The following CDKL5 variants were observed in gnomAD, a reference collection of about 807,000 sequenced individuals.
CDKL5 encodes the protein cyclin dependent kinase like 5.
A neutral mutation model predicts 61.7 loss-of-function variants in CDKL5; 8 were observed. That is an observed-to-expected ratio of 0.13 (90% CI 0.08 to 0.23). The LOEUF is 0.23. Among genes scored for constraint, CDKL5 ranks in the 10% least tolerant of loss-of-function variants. The pLI is 1.00. For missense variants in CDKL5, 440 were observed against 734.5 expected (o/e 0.60, Z 4.63); for synonymous variants, 275 against 272.3 (o/e 1.01, Z -0.10).
chrX:18,625,218 C>A lies in CDKL5; in HGVS notation c.2467C>A (p.Pro823Thr). 1 of 1,208,617 alleles carries A rather than the reference C, an allele frequency of 8.3e-7. No individual in the cohort carries two copies. Among genetic ancestry groups the A allele is most frequent in the Non-Finnish European group, 1.1e-6 (1 of 894,367 alleles). The stretch of plus-strand genomic sequence containing the variant: ...AAGCAGCAGACCAAAGGAGTGGCGC[C>A]CCGAGAAGATCTCAGATCTGCAGAC... ...TPSSRPKEWR[P>T]EKISDLQTQS... Residue 823 changes from proline (P) to threonine (T), a missense_variant, in exon 17 of 18, where the codon CCC (proline) becomes ACC (threonine). Pro to Thr is a conservative substitution (Grantham distance 38, BLOSUM62 -1). Around this residue, in one of 2 missense-constraint regions of CDKL5, gnomAD observed 363 missense variants for 516.3 expected, o/e 0.70. Coordinates refer to ENST00000623535, the MANE Select transcript of CDKL5 (RefSeq NM_001323289.2).
intron 1 of CDKL5, among the ~76,000 whole-genome samples, chrX:18,439,607 G>A (rs1931692155): frequency 9.0e-6 from 1 of 111,055 alleles, no homozygotes; most frequent in African/African-American, 3.3e-5. Flanking sequence ...GGAGGCCAAG[G>A]CAGGCAGATC....
intron 1 of CDKL5, among the ~76,000 whole-genome samples, chrX:18,454,950 T>C (rs780794707): frequency 1.0e-5 from 1 of 100,265 alleles, no homozygotes; most frequent in Non-Finnish European, 2.0e-5. Flanking sequence ...TGGAGGGCAG[T>C]GGCATGATCT....
chrX:18,608,931 T>A lies in CDKL5; in HGVS notation c.2046+19T>A. 1 of 1,022,778 alleles carries A rather than the reference T, an allele frequency of 9.8e-7. No individual in the cohort carries two copies. Among genetic ancestry groups the A allele is most frequent in the Non-Finnish European group, 1.4e-6 (1 of 723,270 alleles). The allele number at this position is 1,022,778 out of a possible 1,213,427, so 84.3% of individuals were successfully genotyped here. On this transcript the variant is annotated intron_variant, in intron 13 of 17. Transcript: ENST00000623535. The stretch of plus-strand genomic sequence containing the variant: ...GTCTGAGGTATGTCACAATAAAATA[T>A]GCCTGTAAACATTTGTTCAACATCA...
intron 5 of CDKL5, among the ~76,000 whole-genome samples, chrX:18,579,466 G>T (rs1371470092): frequency 9.0e-6 from 1 of 110,625 alleles, no homozygotes; most frequent in Non-Finnish European, 1.9e-5. Context: ...TTTATCACAA[G>T]ATTCTGTTGC....
intron 3 of CDKL5, among the ~76,000 whole-genome samples, chrX:18,559,018 T>G (rs1212088299): frequency 8.9e-6 from 1 of 112,250 alleles, no homozygotes; most frequent in East Asian, 2.8e-4. Flanking sequence ...CTCTTCTGGC[T>G]TACTCAGAGA....
At chrX:18,489,937 C>T (rs944684415) in intron 1 of CDKL5, among the ~76,000 whole-genome samples, 3 of 111,108 alleles carry the variant, frequency 2.7e-5, no homozygotes, top group Non-Finnish European at 5.7e-5. Flanking sequence ...TGTAGCCTGA[C>T]CACCTTGGGC....
At chrX:18,594,857 T>C (rs775599632) in intron 9 of CDKL5, among the ~76,000 whole-genome samples, 87 of 112,339 alleles carry the variant, frequency 7.7e-4, no homozygotes, top group Non-Finnish European at 1.4e-3. Flanking sequence ...GTTTTCCTAT[T>C]ATTTGACACC....
chrX:18,591,661 C>T (rs992393971), intron 9 of CDKL5, among the ~76,000 whole-genome samples: 1 of 111,801 alleles, frequency 8.9e-6, no homozygotes, highest in Non-Finnish European at 1.9e-5. Context: ...TCCCCGCTAG[C>T]CCAGTTTGTG....
At chrX:18,429,707 C>G (rs1379490052) in intron 1 of CDKL5, among the ~76,000 whole-genome samples, 1 of 112,141 alleles carries the variant, frequency 8.9e-6, no homozygotes, top group Admixed American at 9.5e-5. Flanking sequence ...GTGATCACAG[C>G]TTGCTGCACC....
intron 4 of CDKL5, among the ~76,000 whole-genome samples, chrX:18,572,363 T>C (rs1267504290): frequency 8.9e-6 from 1 of 112,295 alleles, no homozygotes; most frequent in Non-Finnish European, 1.9e-5. Flanking sequence ...TAATAAATAA[T>C]AGTACGATGT....
intron 3 of CDKL5, among the ~76,000 whole-genome samples, chrX:18,515,153 T>C (rs1173545990): frequency 1.8e-5 from 2 of 112,311 alleles, no homozygotes; most frequent in Non-Finnish European, 3.8e-5. Context: ...TAGCATGCTC[T>C]TCTTAGCAAA....
At chrX:18,559,070 T>A (rs1924701265) in intron 3 of CDKL5, among the ~76,000 whole-genome samples, 1 of 112,399 alleles carries the variant, frequency 8.9e-6, no homozygotes, top group Admixed American at 9.4e-5. Flanking sequence ...CCAACCCCAA[T>A]GAGAAGGATG....
At chrX:18,485,144 C>T (rs950379343) in intron 1 of CDKL5, among the ~76,000 whole-genome samples, 1 of 108,849 alleles carries the variant, frequency 9.2e-6, no homozygotes, top group East Asian at 2.9e-4. Flanking sequence ...CCCTGGCCTA[C>T]AGGTCACAGC....
intron 12 of CDKL5, 71 bp from the exon 13 acceptor site, chrX:18,608,740 A>G: frequency 2.9e-6 from 2 of 700,095 alleles, no homozygotes; most frequent in South Asian, 4.4e-5. Context: ...GTTCTACCAA[A>G]TAAAGGCCAT....
intron 4 of CDKL5, among the ~76,000 whole-genome samples, chrX:18,565,238 A>C (rs1054098811): frequency 8.9e-6 from 1 of 112,154 alleles, no homozygotes; most frequent in Non-Finnish European, 1.9e-5. Context: ...AAGGTGCTCT[A>C]GACAACATTT....
chrX:18,601,687 G>A (rs1205637649), intron 11 of CDKL5, among the ~76,000 whole-genome samples: 1 of 112,090 alleles, frequency 8.9e-6, no homozygotes, highest in Non-Finnish European at 1.9e-5. Context: ...GCTTTGACAC[G>A]TTTTACCTTA....
chrX:18,598,714 GC>G, intron 11 of CDKL5, 101 bp downstream of exon 11: 1 of 726,568 alleles, frequency 1.4e-6, no homozygotes, highest in Non-Finnish European at 2.2e-6. Flanking sequence ...AAGAAGGAAA[GC>G]CCTCTTTATT....
intron 1 of CDKL5, among the ~76,000 whole-genome samples, chrX:18,480,775 A>G (rs1176649889): frequency 9.1e-6 from 1 of 110,118 alleles, no homozygotes; most frequent in Non-Finnish European, 1.9e-5. Context: ...CCCTTCAGTT[A>G]ACTAGTGTGA....
chrX:18,526,027 G>GT (rs1312173123), intron 3 of CDKL5, among the ~76,000 whole-genome samples: 2 of 112,129 alleles, frequency 1.8e-5, no homozygotes, highest in African/African-American at 6.5e-5. Context: ...GATTATAGGC[G>GT]TGAGCCACCG....
Sources: gnomAD v4.1 joint callset for allele counts (sites outside exome capture counted in the v4.1 genomes callset) on GRCh38, gnomAD v4.1.1 for gene constraint, gnomAD v4.1.1 regional missense constraint, MANE v1.5 for transcripts, NCBI Gene and HGNC (gene_info 2026-07-23, HGNC 2026-07-21) for gene names.